The following AGPAT3 variants were observed in gnomAD, a reference collection of about 807,000 sequenced individuals.
AGPAT3 encodes the protein 1-acylglycerol-3-phosphate O-acyltransferase 3.
A neutral mutation model predicts 47.3 loss-of-function variants in AGPAT3; 5 were observed. The ratio of observed to expected loss-of-function variants is 0.11; its 90% CI spans 0.06 to 0.22. AGPAT3 has a LOEUF of 0.22. AGPAT3 is among the 10% of genes least tolerant of loss of function. The pLI, the probability that AGPAT3 is intolerant of heterozygous loss-of-function variation, is 1.00. For synonymous variants in AGPAT3, 212 were observed against 208.3 expected (o/e 1.02, Z -0.15); for missense variants, 315 against 493.0 (o/e 0.64, Z 3.42).
At chr21:43,950,697 G>C (rs370358318) in intron 2 of AGPAT3, 1 of 152,410 alleles carries the variant, frequency 6.6e-6, no homozygotes, top group East Asian at 1.9e-4. Flanking sequence ...TCCTGGGCTC[G>C]TTTCTGCCCC....
At chr21:43,945,545 C>T (rs1284681496) in intron 2 of AGPAT3, among the ~76,000 whole-genome samples, 1 of 152,154 alleles carries the variant, frequency 6.6e-6, no homozygotes. Context: ...AACCCTGTTT[C>T]TGTGGTTCAG....
intron 2 of AGPAT3, among the ~76,000 whole-genome samples, chr21:43,945,428 A>G (rs1263901303): frequency 6.6e-6 from 1 of 152,212 alleles, no homozygotes; most frequent in African/African-American, 2.4e-5. Flanking sequence ...GGTTTGAGTA[A>G]TGGTTTAGAA....
intron 1 of AGPAT3, among the ~76,000 whole-genome samples, chr21:43,876,487 G>C (rs945883235): frequency 5.3e-5 from 8 of 152,214 alleles, no homozygotes; most frequent in African/African-American, 1.9e-4. Flanking sequence ...GTCCAGGAGT[G>C]GGACTGATCT....
chr21:43,906,116 AAGAAC>A (rs1234401999), intron 2 of AGPAT3, among the ~76,000 whole-genome samples: 1 of 152,196 alleles, frequency 6.6e-6, no homozygotes, highest in Non-Finnish European at 1.5e-5. Flanking sequence ...GTCTAGGAAA[AAGAAC>A]AGAAAGAAGG....
At chr21:43,890,268 G>T (rs2086073337) in intron 1 of AGPAT3, among the ~76,000 whole-genome samples, 1 of 152,148 alleles carries the variant, frequency 6.6e-6, no homozygotes, top group Non-Finnish European at 1.5e-5. Flanking sequence ...GGCCCTGTGA[G>T]ACCGCGCGTC....
At chr21:43,928,289 C>G (rs933795586) in intron 2 of AGPAT3, among the ~76,000 whole-genome samples, 1 of 152,224 alleles carries the variant, frequency 6.6e-6, no homozygotes, top group African/African-American at 2.4e-5. Flanking sequence ...GACACGGCCA[C>G]TGTTTTGAAA....
chr21:43,938,846 G>A (rs1294503740), intron 2 of AGPAT3, among the ~76,000 whole-genome samples: 14 of 152,324 alleles, frequency 9.2e-5, no homozygotes, highest in Middle Eastern at 3.4e-3. Context: ...GTCACATGGG[G>A]TCAATGTGTT....
At chr21:43,928,757 C>T (rs1045734793) in intron 2 of AGPAT3, among the ~76,000 whole-genome samples, 2 of 152,196 alleles carry the variant, frequency 1.3e-5, no homozygotes, top group Non-Finnish European at 2.9e-5. Flanking sequence ...GAGACGTCAT[C>T]GGATTTACTG....
At chr21:43,891,014 AG>A (rs1301810552) in intron 1 of AGPAT3, among the ~76,000 whole-genome samples, 1 of 152,214 alleles carries the variant, frequency 6.6e-6, no homozygotes, top group African/African-American at 2.4e-5. Context: ...CTGGGATTAC[AG>A]GTGTGAGCCA....
intron 2 of AGPAT3, among the ~76,000 whole-genome samples, chr21:43,937,009 T>C (rs1234656441): frequency 6.6e-6 from 1 of 152,240 alleles, no homozygotes; most frequent in Non-Finnish European, 1.5e-5. Context: ...AATAGAAATC[T>C]TTGGTTTTGT....
intron 2 of AGPAT3, among the ~76,000 whole-genome samples, chr21:43,914,817 C>T (rs1035234610): frequency 2.0e-5 from 3 of 152,334 alleles, no homozygotes; most frequent in Non-Finnish European, 4.4e-5. Context: ...ACTGTTATCA[C>T]AGGCCTGAGC....
chr21:43,902,502 C>T (rs2086381756), intron 1 of AGPAT3, among the ~76,000 whole-genome samples: 2 of 152,218 alleles, frequency 1.3e-5, no homozygotes, highest in South Asian at 4.1e-4. Context: ...GGCTGGAAGT[C>T]CGAGCTCAAG....
intron 2 of AGPAT3, among the ~76,000 whole-genome samples, chr21:43,958,408 G>A (rs969173653): frequency 6.6e-6 from 1 of 151,862 alleles, no homozygotes; most frequent in African/African-American, 2.4e-5. Context: ...CGTGTGGGAT[G>A]TGGTGTATGT....
rs1031893463 is a variant in AGPAT3 at position 43,967,756 on chromosome 21, T to C, written c.179-190T>C. On this transcript the variant is annotated intron_variant, in intron 3 of 9. Coordinates refer to ENST00000291572, the MANE Select transcript of AGPAT3 (RefSeq NM_020132.5). ...TTTCTGCTGCTACCTTCCATCTGTC[T>C]CCTCCCAACTGTTGCTTAGAGAAAG... 6.8e-6 allele frequency: 4 copies of C among 590,042 alleles called. No individual in the cohort carries two copies. In the African/African-American group the frequency reaches 7.5e-5, roughly 11 times the overall value. 36.6% of individuals were successfully genotyped at this position (590,042 alleles called of 1,614,324 possible).
chr21:43,889,018 T>A (rs1006623821), intron 1 of AGPAT3, among the ~76,000 whole-genome samples: 1 of 152,194 alleles, frequency 6.6e-6, no homozygotes, highest in African/African-American at 2.4e-5. Context: ...TTATTGATTT[T>A]AAAAATCTTA....
chr21:43,886,734 A>C (rs139937447), intron 1 of AGPAT3, among the ~76,000 whole-genome samples: 64 of 152,278 alleles, frequency 4.2e-4, no homozygotes, highest in African/African-American at 1.1e-3. Context: ...CACTTAATAT[A>C]ATGAGCTCCA....
intron 6 of AGPAT3, among the ~76,000 whole-genome samples, 182 bp from the exon 7 acceptor site, chr21:43,971,206 A>G (rs1284845117): frequency 6.6e-6 from 1 of 152,216 alleles, no homozygotes. Context: ...GAATGGGGAA[A>G]AAAGAGGGGG....
chr21:43,889,600 G>A (rs1569047707), intron 1 of AGPAT3, among the ~76,000 whole-genome samples: 3 of 152,204 alleles, frequency 2.0e-5, no homozygotes, highest in African/African-American at 7.2e-5. Context: ...ATAAAGTGAG[G>A]CACACACATT....
chr21:43,871,687 C>A (rs1446862937), intron 1 of AGPAT3, among the ~76,000 whole-genome samples: 1 of 152,184 alleles, frequency 6.6e-6, no homozygotes, highest in East Asian at 1.9e-4. Context: ...GTGTGTCCTT[C>A]CCTGTGAAGT....
Sources: allele counts gnomAD v4.1 joint callset (sites outside exome capture counted in the v4.1 genomes callset), GRCh38; gene constraint gnomAD v4.1.1; transcripts MANE v1.5; gene names NCBI Gene and HGNC (gene_info 2026-07-23, HGNC 2026-07-21).